Variants in NAV2 observed in about 807,000 individuals in gnomAD.
The protein encoded by NAV2 is helicase, APC down-regulated 1.
NAV2 carries 54 observed loss-of-function variants against 223.2 expected under a neutral mutation model. The ratio of observed to expected loss-of-function variants is 0.24; its 90% CI spans 0.19 to 0.30. NAV2 has a LOEUF of 0.30. Among genes scored for constraint, NAV2 ranks in the 10% least tolerant of loss-of-function variants. NAV2 has a pLI of 1.00. For synonymous variants in NAV2, 1,279 were observed against 1,239.3 expected, an observed-to-expected ratio of 1.03 and a Z score of -0.67; for missense variants, 2,806 against 3,147.5, an observed-to-expected ratio of 0.89 and a Z score of 2.60.
At chr11:19,414,704 T>C (rs1289644678) in intron 1 of NAV2, among the ~76,000 whole-genome samples, 2 of 152,052 alleles carry the variant, frequency 1.3e-5, no homozygotes, top group Non-Finnish European at 2.9e-5. Context: ...AGTAAAACAC[T>C]CCTCAGCAAA....
intron 6 of NAV2, among the ~76,000 whole-genome samples, chr11:19,917,809 G>T (rs1026175387): frequency 3.9e-5 from 6 of 152,124 alleles, no homozygotes; most frequent in African/African-American, 1.4e-4. Flanking sequence ...ACAGGGTTTC[G>T]CCATGTTGGC....
chr11:19,580,912 G>A lies in NAV2; in HGVS notation c.75+229885G>A, dbSNP rs371105584. ...TTTATCCTCCCACAAGAATGTGTAA[G>A]CCTACTTATAGGATACTCATCCTAT... On this transcript the variant is annotated intron_variant, in intron 1 of 37. Transcript: ENST00000360655. Among the ~76,000 whole-genome samples, 7 of 152,300 alleles carry A rather than the reference G, an allele frequency of 4.6e-5. No homozygotes were observed. The East Asian group carries it at 1.2e-3, about 25-fold the overall frequency.
intron 1 of NAV2, among the ~76,000 whole-genome samples, chr11:19,399,287 G>T (rs375907283): frequency 6.6e-6 from 1 of 152,178 alleles, no homozygotes; most frequent in Non-Finnish European, 1.5e-5. Context: ...ACCTTCAGAA[G>T]TCAGATTCTA....
At chr11:20,014,881 G>A (rs563386244) in intron 11 of NAV2, among the ~76,000 whole-genome samples, 12 of 152,044 alleles carry the variant, frequency 7.9e-5, no homozygotes, top group Non-Finnish European at 1.5e-4. Flanking sequence ...CAGCCTGGGT[G>A]ACACAGCAAG....
intron 6 of NAV2, among the ~76,000 whole-genome samples, chr11:19,900,005 G>C (rs2042313194): frequency 6.6e-6 from 1 of 152,156 alleles, no homozygotes; most frequent in South Asian, 2.1e-4. Context: ...GAGCTTAGGT[G>C]TCGGTTGGTT....
intron 36 of NAV2, among the ~76,000 whole-genome samples, chr11:20,111,331 T>A (rs2062621552): frequency 6.6e-6 from 1 of 152,178 alleles, no homozygotes; most frequent in East Asian, 1.9e-4. Context: ...AAAGTGAATG[T>A]CCTCCCCTCT....
intron 1 of NAV2, among the ~76,000 whole-genome samples, chr11:19,656,632 G>T (rs1287382369): frequency 6.6e-6 from 1 of 152,154 alleles, no homozygotes; most frequent in African/African-American, 2.4e-5. Context: ...AAAGAGTGGA[G>T]GCAGGGGGAC....
intron 1 of NAV2, among the ~76,000 whole-genome samples, chr11:19,585,539 G>T (rs1032326322): frequency 6.6e-6 from 1 of 152,148 alleles, no homozygotes; most frequent in Non-Finnish European, 1.5e-5. Context: ...TCCATGTTTA[G>T]TGCTTCCTTC....
intron 1 of NAV2, among the ~76,000 whole-genome samples, chr11:19,827,216 A>G (rs2059684486): frequency 1.3e-5 from 2 of 152,168 alleles, no homozygotes; most frequent in South Asian, 2.1e-4. Flanking sequence ...GTGTAGGTGT[A>G]TCATTTCATT....
rs377223820 is a variant in NAV2, at chr11:19,596,493, T to C, written c.76-235991T>C. Among the ~76,000 whole-genome samples the C allele has an allele frequency of 5.9e-5, 9 of 152,260 alleles. No homozygotes were observed. The East Asian group carries it at 1.2e-3, about 20-fold the overall frequency. ...TCTCTCTGTGTGAGGATTGTTCCCCTAATCAGGATGGAGACGCAGTTCATT... is the reference window on the plus strand; with the variant it reads ...TCTCTCTGTGTGAGGATTGTTCCCCCAATCAGGATGGAGACGCAGTTCATT... On this transcript the variant is annotated intron_variant, in intron 1 of 37. Coordinates refer to the NAV2 transcript ENST00000360655.
chr11:19,584,293 C>T lies in NAV2; in HGVS notation c.75+233266C>T, dbSNP rs190792906. 3.9e-3 allele frequency among the ~76,000 whole-genome samples: 600 copies of T among 152,102 alleles called. 2 individuals carry two copies. Among genetic ancestry groups the T allele is most frequent in the Non-Finnish European group, 6.7e-3 (457 of 67,988 alleles). The stretch of plus-strand genomic sequence containing the variant: ...TTTTCTTCTTTATTAGTCTTGCTAG[C>T]GGTCTATCGATTTTATTGATCTTTG... On this transcript the variant is annotated intron_variant, in intron 1 of 37. Transcript: ENST00000360655.
chr11:19,392,080 G>T (rs1849270194), intron 1 of NAV2, among the ~76,000 whole-genome samples: 1 of 152,202 alleles, frequency 6.6e-6, no homozygotes, highest in African/African-American at 2.4e-5. Flanking sequence ...TAGGAACCAA[G>T]GATTAATCAG....
Position 19,948,691 on chromosome 11 carries a change from C to A in NAV2, c.2256C>A (p.Ser752Arg), listed in dbSNP as rs776841802. ...SSLRGTQVTH[S>R]TLETTFDTNV... Reference sequence around the variant, plus strand: ...CTAATCAGGTTGGTTTTGTTTCTAGCACATTGGAAACCACGTTTGACACCA... The same window carrying A: ...CTAATCAGGTTGGTTTTGTTTCTAGAACATTGGAAACCACGTTTGACACCA... Residue 752 changes from serine to arginine, a missense_variant and splice_region_variant, in exon 10 of 38, where the codon AGC (serine) becomes AGA (arginine). Ser to Arg is a moderately radical substitution (Grantham distance 110). Around this residue, in one of 4 missense-constraint regions of NAV2, gnomAD observed 1,167 missense variants for 1,180.5 expected, o/e 0.99. Transcript: ENST00000349880. 1 of 1,571,814 alleles carries A rather than the reference C, an allele frequency of 6.4e-7. No homozygotes were observed. Among genetic ancestry groups the A allele is most frequent in the South Asian group, 1.2e-5 (1 of 86,150 alleles).
chr11:19,580,618 G>A (rs1457393368), intron 1 of NAV2, among the ~76,000 whole-genome samples: 2 of 152,142 alleles, frequency 1.3e-5, no homozygotes, highest in Admixed American at 6.5e-5. Flanking sequence ...TCAAACCATA[G>A]CAGCTACCAT....
intron 11 of NAV2, among the ~76,000 whole-genome samples, chr11:20,017,701 A>T (rs984692521): frequency 1.3e-5 from 2 of 152,106 alleles, no homozygotes; most frequent in African/African-American, 4.8e-5. Flanking sequence ...TTCATTTTCT[A>T]CCCCAAAGCT....
At chr11:19,740,923 G>C (rs2052743489) in intron 1 of NAV2, among the ~76,000 whole-genome samples, 1 of 152,180 alleles carries the variant, frequency 6.6e-6, no homozygotes, top group South Asian at 2.1e-4. Context: ...TAGAGCCCAA[G>C]AGCCCACACT....
At chr11:19,378,459 C>T (rs1020388046) in intron 1 of NAV2, among the ~76,000 whole-genome samples, 17 of 152,196 alleles carry the variant, frequency 1.1e-4, no homozygotes, top group Middle Eastern at 3.4e-3. Flanking sequence ...GGAGGTGGTG[C>T]GGGGTGCACG....
At chr11:20,056,131 G>A (rs2058349617) in intron 19 of NAV2, among the ~76,000 whole-genome samples, 174 bp downstream of exon 19, 1 of 152,178 alleles carries the variant, frequency 6.6e-6, no homozygotes, top group African/African-American at 2.4e-5. Flanking sequence ...TGAAGAGTAA[G>A]GTCTGGCCTG....
chr11:19,898,563 G>A (rs1359377431), intron 6 of NAV2, among the ~76,000 whole-genome samples: 1 of 152,042 alleles, frequency 6.6e-6, no homozygotes, highest in Admixed American at 6.6e-5. Context: ...TCCATTGTAT[G>A]GATTTACCAC....
Sources: gnomAD v4.1 joint callset for allele counts (sites outside exome capture counted in the v4.1 genomes callset) on GRCh38, gnomAD v4.1.1 for gene constraint, gnomAD v4.1.1 regional missense constraint, MANE v1.5 for transcripts, NCBI Gene and HGNC (gene_info 2026-07-23, HGNC 2026-07-21) for gene names.